Variants in ADAMTS2 observed in about 807,000 individuals in gnomAD.
The protein encoded by ADAMTS2 is ADAM metallopeptidase with thrombospondin type 1 motif 2, also known as A disintegrin and metalloproteinase with thrombospondin motifs 2.
Under a neutral mutation model 123.0 loss-of-function variants are expected in ADAMTS2, and 50 were observed. The observed-to-expected ratio is 0.41, with a 90% CI of 0.32 to 0.51. ADAMTS2 has a LOEUF of 0.51. Among genes scored for constraint, ADAMTS2 ranks in the 20% least tolerant of loss-of-function variants. The probability of loss-of-function intolerance (pLI) is 0.35; values close to 1 mark genes in which losing one functional copy is unlikely to be tolerated. For synonymous variants in ADAMTS2, 678 were observed against 695.4 expected, an observed-to-expected ratio of 0.98 and a Z score of 0.39; for missense variants, 1,494 against 1,705.2, an observed-to-expected ratio of 0.88 and a Z score of 2.18.
intron 10 of ADAMTS2, among the ~76,000 whole-genome samples, chr5:179,148,697 C>T (rs146013357): frequency 1.3e-5 from 2 of 152,204 alleles, no homozygotes; most frequent in African/African-American, 2.4e-5. Context: ...CCCCACCTAG[C>T]GCCCACCTGT....
intron 2 of ADAMTS2, among the ~76,000 whole-genome samples, chr5:179,288,437 CAGGGCTCTGA>C (rs959482372): frequency 2.2e-4 from 33 of 152,228 alleles, no homozygotes; most frequent in Non-Finnish European, 7.3e-5. Context: ...TGGGAAGAGC[CAGGGCTCTGA>C]GGGCCAGGTT....
intron 20 of ADAMTS2, among the ~76,000 whole-genome samples, chr5:179,122,375 C>A (rs1252892823): frequency 6.6e-6 from 1 of 152,214 alleles, no homozygotes; most frequent in Non-Finnish European, 1.5e-5. Context: ...TAGCCACCAG[C>A]ATTCCCTAGC....
At position 179,162,218 on chromosome 5, in the gene ADAMTS2, T is replaced by C. The variant is rs73807265; in HGVS notation, c.976-3339A>G. Among the ~76,000 whole-genome samples, 4,507 of 152,244 alleles carry C rather than the reference T, an allele frequency of 0.03. 208 individuals carry two copies. The highest frequency in any genetic ancestry group is 0.1 in the African/African-American group (4,211 of 41,534). The stretch of plus-strand genomic sequence containing the variant: ...GCCCTTGTTTCCCTTTCGTGAAACT[T>C]CCCCTCCTTTAATCTGAGTCAGACC... On this transcript the variant is annotated intron_variant, in intron 5 of 21. Coordinates refer to ENST00000251582, the MANE Select transcript of ADAMTS2 (RefSeq NM_014244.5). This position sits in a 1 kb window ranked among gnomAD's most constrained non-coding sequence, Gnocchi z 5.1.
At chr5:179,176,616 A>G (rs912414276) in intron 5 of ADAMTS2, among the ~76,000 whole-genome samples, 4 of 152,160 alleles carry the variant, frequency 2.6e-5, no homozygotes, top group Non-Finnish European at 2.9e-5. Context: ...GCCTGGTCCC[A>G]GTCCAGCTGC....
chr5:179,161,468 C>G (rs1195745015), intron 5 of ADAMTS2, among the ~76,000 whole-genome samples: 2 of 152,196 alleles, frequency 1.3e-5, no homozygotes, highest in Non-Finnish European at 2.9e-5. Flanking sequence ...ACTGCACGCT[C>G]TCACTCATAC....
At position 179,285,164 on chromosome 5, in the gene ADAMTS2, G is replaced by T. The variant is rs1755984774; in HGVS notation, c.535-12100C>A. ...AGCTGTTAGGAAACGCGTAACAAAG[G>T]GTCAGCAGTGTTACGATCGGGGGTG... On this transcript the variant is annotated intron_variant, in intron 2 of 21. Coordinates refer to ENST00000251582, the MANE Select transcript of ADAMTS2 (RefSeq NM_014244.5). The surrounding 1 kb of genome is among the most constrained non-coding windows in gnomAD (Gnocchi z 4.9). 6.6e-6 allele frequency among the ~76,000 whole-genome samples: 1 copy of T among 152,096 alleles called. No homozygotes were observed. Among genetic ancestry groups the T allele is most frequent in the Non-Finnish European group, 1.5e-5 (1 of 68,014 alleles).
rs147190571 is a variant in ADAMTS2, at chr5:179,145,534, T to A, written c.1630-5499A>T. 3.3e-5 allele frequency among the ~76,000 whole-genome samples: 5 copies of A among 152,342 alleles called. No homozygotes were observed. In the East Asian group the frequency reaches 9.6e-4, roughly 29 times the overall value. The stretch of plus-strand genomic sequence containing the variant: ...ATTAGTATTCAGCAACAGGAAGGAA[T>A]GCAGGGCTGCTGCACACTACAACAG... On this transcript the variant is annotated intron_variant, in intron 10 of 21. Coordinates refer to ENST00000251582, the MANE Select transcript of ADAMTS2 (RefSeq NM_014244.5).
At chr5:179,211,791 T>C (rs57736805) in intron 3 of ADAMTS2, among the ~76,000 whole-genome samples, 20,703 of 152,080 alleles carry the variant, frequency 0.14, 1,569 homozygotes, top group South Asian at 0.19. Flanking sequence ...ACTGCCAGCA[T>C]CCTAGGCACA....
chr5:179,315,015 A>G (rs1756946038), intron 2 of ADAMTS2, among the ~76,000 whole-genome samples: 1 of 151,958 alleles, frequency 6.6e-6, no homozygotes, highest in African/African-American at 2.4e-5. Flanking sequence ...GGAACCTGGA[A>G]GTGGTACTGG....
At chr5:179,282,436 A>G (rs1766940878) in intron 2 of ADAMTS2, among the ~76,000 whole-genome samples, 1 of 152,192 alleles carries the variant, frequency 6.6e-6, no homozygotes, top group South Asian at 2.1e-4. Context: ...CTTTGTCAAG[A>G]ATCAATATGA....
In ADAMTS2 at chr5:179,110,870, G is replaced by A. The variant is rs1199990118; in HGVS notation, c.*2997C>T. On this transcript the variant is annotated 3_prime_UTR_variant, in exon 22 of 22. Coordinates refer to ENST00000251582, the MANE Select transcript of ADAMTS2 (RefSeq NM_014244.5). The stretch of plus-strand genomic sequence containing the variant: ...CGCAGGCATGATTTGCAAAAACACA[G>A]ACATTTTAACTTTAATAAGTTATAA... 1 of 152,192 alleles carries A rather than the reference G, an allele frequency of 6.6e-6. No homozygotes were observed. Among genetic ancestry groups the A allele is most frequent in the Non-Finnish European group, 1.5e-5 (1 of 68,040 alleles). 9.4% of individuals were successfully genotyped at this position (152,192 alleles called of 1,614,324 possible).
intron 2 of ADAMTS2, among the ~76,000 whole-genome samples, chr5:179,302,868 T>C (rs527560115): frequency 6.8e-6 from 1 of 146,278 alleles, no homozygotes; most frequent in Non-Finnish European, 1.5e-5. Context: ...AGAACAGACC[T>C]GCCATGTTTG....
Position 179,314,821 on chromosome 5 carries a change from C to T in ADAMTS2, c.534+28946G>A, listed in dbSNP as rs991614517. On this transcript the variant is annotated intron_variant, in intron 2 of 21. Coordinates refer to ENST00000251582, the MANE Select transcript of ADAMTS2 (RefSeq NM_014244.5). The surrounding 1 kb of genome is among the most constrained non-coding windows in gnomAD (Gnocchi z 4.5). Reference sequence around the variant, plus strand: ...TACAGACAGGAGTCTTGGGCACACACTTTTTTGTGCCAGGCCCAACCAAGA... The same window carrying T: ...TACAGACAGGAGTCTTGGGCACACATTTTTTTGTGCCAGGCCCAACCAAGA... Among the ~76,000 whole-genome samples, 1 of 152,122 alleles carries T rather than the reference C, an allele frequency of 6.6e-6. No individual in the cohort carries two copies. The highest frequency in any genetic ancestry group is 1.5e-5 in the Non-Finnish European group (1 of 68,012).
rs541356443 is a variant in ADAMTS2, at chr5:179,117,233, G to A, written c.3179-2909C>T. Among the ~76,000 whole-genome samples the A allele has an allele frequency of 6.6e-6, 1 of 152,100 alleles. No individual in the cohort carries two copies. The highest frequency in any genetic ancestry group is 1.5e-5 in the Non-Finnish European group (1 of 68,036). On this transcript the variant is annotated intron_variant, in intron 21 of 21. Coordinates refer to ENST00000251582, the MANE Select transcript of ADAMTS2 (RefSeq NM_014244.5). The surrounding 1 kb of genome is among the most constrained non-coding windows in gnomAD (Gnocchi z 4.2). Reference sequence around the variant, plus strand: ...CAGGGGGTTCTGGATAAGAGCTGATGGTGGCCTCCCTTCTCCCTACCCCAT... The same window carrying A: ...CAGGGGGTTCTGGATAAGAGCTGATAGTGGCCTCCCTTCTCCCTACCCCAT...
At chr5:179,133,751 G>A (rs955147970) in intron 13 of ADAMTS2, among the ~76,000 whole-genome samples, 1 of 148,760 alleles carries the variant, frequency 6.7e-6, no homozygotes, top group African/African-American at 2.5e-5. Context: ...AGACAGTCTC[G>A]CTCTGTCGCC....
intron 20 of ADAMTS2, among the ~76,000 whole-genome samples, chr5:179,122,323 C>CACACA (rs1316988726): frequency 3.3e-5 from 5 of 152,078 alleles, no homozygotes; most frequent in Middle Eastern, 3.4e-3. Flanking sequence ...ACTCTCTACT[C>CACACA]GCACAGGCGT....
In ADAMTS2 at chr5:179,317,547, C is replaced by T. The variant is rs528356134; in HGVS notation, c.534+26220G>A. On this transcript the variant is annotated intron_variant, in intron 2 of 21. Transcript: ENST00000251582. This position sits in a 1 kb window ranked among gnomAD's most constrained non-coding sequence, Gnocchi z 4.9. ...CCATCCCAGCGACACTGTGTGGGGA[C>T]TCCTGCACCTCTTCCTGCTGCCCAG... Among the ~76,000 whole-genome samples, 5 of 152,290 alleles carry T rather than the reference C, an allele frequency of 3.3e-5. No homozygotes were observed. Among genetic ancestry groups the T allele is most frequent in the South Asian group, 2.1e-4 (1 of 4,822 alleles).
chr5:179,258,805 G>T (rs1766137292), intron 3 of ADAMTS2, among the ~76,000 whole-genome samples: 1 of 152,080 alleles, frequency 6.6e-6, no homozygotes, highest in Non-Finnish European at 1.5e-5. Context: ...CTGTGATCTG[G>T]GTCCTCCCAG....
rs1765333434 is a variant in ADAMTS2 at position 179,228,282 on chromosome 5, A to G, written c.689-20567T>C. Among the ~76,000 whole-genome samples the G allele has an allele frequency of 1.3e-5, 2 of 152,208 alleles. No individual in the cohort carries two copies. The highest frequency in any genetic ancestry group is 2.1e-4 in the South Asian group (1 of 4,838). On this transcript the variant is annotated intron_variant, in intron 3 of 21. Transcript: ENST00000251582. This position sits in a 1 kb window ranked among gnomAD's most constrained non-coding sequence, Gnocchi z 5.2. ...ATAACGATGCTGGCCACAGCCCACA[A>G]GTAAGACACATAGAAAACCTGAGGC...
Sources: allele counts gnomAD v4.1 joint callset (sites outside exome capture counted in the v4.1 genomes callset), GRCh38; gene constraint gnomAD v4.1.1; non-coding constraint Gnocchi (gnomAD v3.1); transcripts MANE v1.5; gene names NCBI Gene and HGNC (gene_info 2026-07-23, HGNC 2026-07-21).